The following TPCN1 variants were observed in gnomAD, a reference collection of about 807,000 sequenced individuals.
The protein encoded by TPCN1 is two pore segment channel 1.
Under a neutral mutation model 108.8 loss-of-function variants are expected in TPCN1, and 52 were observed. The observed-to-expected ratio is 0.48, with a 90% CI of 0.38 to 0.60. TPCN1 has a LOEUF of 0.60. Among genes scored for constraint, TPCN1 ranks in the 20% least tolerant of loss-of-function variants. The probability of loss-of-function intolerance (pLI) is 0.00; values close to 1 mark genes in which losing one functional copy is unlikely to be tolerated. For missense variants in TPCN1, 806 were observed against 1,072.8 expected, an observed-to-expected ratio of 0.75 and a Z score of 3.47; for synonymous variants, 446 against 433.7, an observed-to-expected ratio of 1.03 and a Z score of -0.35.
chr12:113,282,813 T>C (rs1305396326), intron 15 of TPCN1, among the ~76,000 whole-genome samples: 2 of 151,552 alleles, frequency 1.3e-5, no homozygotes, highest in Admixed American at 6.6e-5. Flanking sequence ...GGCCTGGGCA[T>C]GGTGGCTTAT....
chr12:113,227,529 G>A (rs1313889005), intron 2 of TPCN1, among the ~76,000 whole-genome samples: 1 of 152,174 alleles, frequency 6.6e-6, no homozygotes, highest in Non-Finnish European at 1.5e-5. Context: ...GAACCCAAGT[G>A]CGGCAAGGAG....
In TPCN1 at chr12:113,284,680, C is replaced by G. The variant is rs200434618; in HGVS notation, c.1400-38C>G. The stretch of plus-strand genomic sequence containing the variant: ...ACTGGCCGTGTCCTGGCCGGCACAC[C>G]TGGCTTACCTGTGAGCTGCTACTTC... On this transcript the variant is annotated intron_variant, in intron 16 of 27. Transcript: ENST00000335509. This position sits in a 1 kb window ranked among gnomAD's most constrained non-coding sequence, Gnocchi z 4.1. The G allele has an allele frequency of 5.3e-5, 85 of 1,614,230 alleles. 2 individuals are homozygous for G. The African/African-American group carries it at 1.0e-3, about 19-fold the overall frequency.
At chr12:113,225,089 C>T (rs1350723850) in intron 1 of TPCN1, among the ~76,000 whole-genome samples, 1 of 151,990 alleles carries the variant, frequency 6.6e-6, no homozygotes, top group African/African-American at 2.4e-5. Context: ...GGGTCTCACT[C>T]TGTTGTCCAG....
At chr12:113,246,971 C>G (rs1172285615) in intron 2 of TPCN1, among the ~76,000 whole-genome samples, 1 of 152,112 alleles carries the variant, frequency 6.6e-6, no homozygotes, top group East Asian at 1.9e-4. Flanking sequence ...GATGCGAGTG[C>G]CAGTCATTGA....
intron 21 of TPCN1, 27 bp from the exon 22 acceptor site, chr12:113,290,101 C>G (rs751268160): frequency 1.5e-5 from 22 of 1,470,894 alleles, no homozygotes; most frequent in Non-Finnish European, 2.0e-5. Context: ...GTGACCCTCC[C>G]TCCTTTCTCC....
intron 2 of TPCN1, among the ~76,000 whole-genome samples, chr12:113,259,213 GTGATCCGTCCACC>G (rs1248483935): frequency 3.3e-5 from 5 of 152,136 alleles, no homozygotes; most frequent in Admixed American, 3.3e-4. Context: ...CTGATCTCAG[GTGATCCGTCCACC>G]TTGGCCTCCC....
At position 113,284,538 on chromosome 12, in the gene TPCN1, C is replaced by T. The variant is rs1028103860; in HGVS notation, c.1343-43C>T. ...AGCTGCGACCTGCAGATTTCTAAGC[C>T]CCCCTGTTATTTCTCTGTCTTTTAC... On this transcript the variant is annotated intron_variant, in intron 15 of 27. Transcript: ENST00000335509. The surrounding 1 kb of genome is among the most constrained non-coding windows in gnomAD (Gnocchi z 4.1). 15 of 1,610,690 alleles carry T rather than the reference C, an allele frequency of 9.3e-6. No individual in the cohort carries two copies. Among genetic ancestry groups the T allele is most frequent in the Admixed American group, 3.3e-5 (2 of 59,996 alleles).
chr12:113,221,523 G>GCGGCTGCAA lies in TPCN1; in HGVS notation c.-227_-219dup, dbSNP rs1185562648. ...AGTGGCGGCGGCTTCGGCGGCTGCG[G>GCGGCTGCAA]CGGCTGCAACAGCTTCGGGCTCGGG... On this transcript the variant is annotated 5_prime_UTR_variant, in exon 1 of 28. Coordinates refer to ENST00000335509, the MANE Select transcript of TPCN1 (RefSeq NM_017901.6). The GCGGCTGCAA allele has an allele frequency of 3.4e-6, 1 of 290,802 alleles. No homozygotes were observed. The highest frequency in any genetic ancestry group is 6.9e-6 in the Non-Finnish European group (1 of 143,888). The allele number at this position is 290,802 out of a possible 1,614,324, so 18.0% of individuals were successfully genotyped here. A position where few individuals can be genotyped will look rare whatever the true frequency, so the allele number is the denominator to read the frequency against.
In TPCN1 at chr12:113,231,417, G is replaced by T. The variant is rs536420767; in HGVS notation, c.112+4453G>T. Among the ~76,000 whole-genome samples, 1 of 152,312 alleles carries T rather than the reference G, an allele frequency of 6.6e-6. No homozygotes were observed. The highest frequency in any genetic ancestry group is 2.4e-5 in the African/African-American group (1 of 41,570). ...CTGTCCTCTTCAGATAAGGACACCA[G>T]TCCTATTGGATTAGGGCTCATCCAT... On this transcript the variant is annotated intron_variant, in intron 2 of 27. Transcript: ENST00000335509. This position sits in a 1 kb window ranked among gnomAD's most constrained non-coding sequence, Gnocchi z 4.3.
intron 24 of TPCN1, 87 bp from the exon 25 acceptor site, chr12:113,291,787 G>A (rs1482108647): frequency 6.4e-7 from 1 of 1,564,874 alleles, no homozygotes. Context: ...CATCTGGCCG[G>A]ACTCTGTTGG....
At position 113,268,330 on chromosome 12, in the gene TPCN1, T is replaced by C. The variant is rs752585112; in HGVS notation, c.528+374T>C. On this transcript the variant is annotated intron_variant, in intron 5 of 27. Coordinates refer to ENST00000335509, the MANE Select transcript of TPCN1 (RefSeq NM_017901.6). The surrounding 1 kb of genome is among the most constrained non-coding windows in gnomAD (Gnocchi z 7.3). ...TCTCTCTGTGCCACAGAGAGTGGCA[T>C]GAGTAAGAGCACGTCAAGGTGGCAT... Among the ~76,000 whole-genome samples the C allele has an allele frequency of 6.6e-6, 1 of 152,170 alleles. No individual in the cohort carries two copies. Among genetic ancestry groups the C allele is most frequent in the Non-Finnish European group, 1.5e-5 (1 of 68,034 alleles).
At chr12:113,270,372 T>C (rs748511343) in intron 7 of TPCN1, among the ~76,000 whole-genome samples, 41 of 152,214 alleles carry the variant, frequency 2.7e-4, no homozygotes, top group Admixed American at 9.8e-4. Context: ...CAGCTGTGGG[T>C]GTCTGTTGAG....
chr12:113,275,168 C>G (rs914975648), intron 10 of TPCN1, among the ~76,000 whole-genome samples: 1 of 152,208 alleles, frequency 6.6e-6, no homozygotes, highest in African/African-American at 2.4e-5. Flanking sequence ...CACCAGTCAC[C>G]ACAGTCAGGC....
rs931392749 is a variant in TPCN1, at chr12:113,295,585, G to A, written c.2335-375G>A. On this transcript the variant is annotated intron_variant, in intron 27 of 27. Coordinates refer to ENST00000335509, the MANE Select transcript of TPCN1 (RefSeq NM_017901.6). ...TCAGCACAATACAGCTCTAAGCCTC[G>A]GTGTCTCGGGTGTGAAACAGGGACA... Among the ~76,000 whole-genome samples the A allele has an allele frequency of 3.9e-5, 6 of 152,076 alleles. No homozygotes were observed. The South Asian group carries it at 1.2e-3, about 32-fold the overall frequency.
rs546993321 is a variant in TPCN1, at chr12:113,289,061, G to A, written c.1796+214G>A. ...GTTTCTCCATCCCCCAGGCAGGGTT[G>A]GGAGCTGTCAGCTCACCCTCTGCCG... On this transcript the variant is annotated intron_variant, in intron 21 of 27. Coordinates refer to ENST00000335509, the MANE Select transcript of TPCN1 (RefSeq NM_017901.6). The surrounding 1 kb of genome is among the most constrained non-coding windows in gnomAD (Gnocchi z 4.1). Among the ~76,000 whole-genome samples the A allele has an allele frequency of 1.3e-5, 2 of 152,238 alleles. No individual in the cohort carries two copies. Among genetic ancestry groups the A allele is most frequent in the Non-Finnish European group, 2.9e-5 (2 of 68,040 alleles).
At chr12:113,229,483 G>C (rs905938378) in intron 2 of TPCN1, among the ~76,000 whole-genome samples, 1 of 152,158 alleles carries the variant, frequency 6.6e-6, no homozygotes, top group African/African-American at 2.4e-5. Context: ...TGCTGTCTGA[G>C]GAGCAGTCCT....
intron 2 of TPCN1, among the ~76,000 whole-genome samples, chr12:113,246,480 T>C (rs1489224049): frequency 6.6e-6 from 1 of 152,258 alleles, no homozygotes; most frequent in Non-Finnish European, 1.5e-5. Flanking sequence ...TGGTCCTTTC[T>C]GAAACCTGCA....
intron 15 of TPCN1, among the ~76,000 whole-genome samples, chr12:113,281,088 C>T (rs543297541): frequency 7.2e-5 from 11 of 151,884 alleles, no homozygotes; most frequent in Non-Finnish European, 1.3e-4. Flanking sequence ...CTCATTCTGT[C>T]GCCCAGGCTA....
At chr12:113,240,287 T>C (rs1954060571) in intron 2 of TPCN1, among the ~76,000 whole-genome samples, 1 of 152,118 alleles carries the variant, frequency 6.6e-6, no homozygotes, top group Non-Finnish European at 1.5e-5. Context: ...TAAATGGAGG[T>C]GGCTTGGGAG....
Sources: gnomAD v4.1 joint callset for allele counts (sites outside exome capture counted in the v4.1 genomes callset) on GRCh38, gnomAD v4.1.1 for gene constraint, Gnocchi (gnomAD v3.1) non-coding constraint, MANE v1.5 for transcripts, NCBI Gene and HGNC (gene_info 2026-07-23, HGNC 2026-07-21) for gene names.